The following MAGI2 variants were observed in gnomAD, a reference collection of about 807,000 sequenced individuals.
The protein encoded by MAGI2 is membrane-associated guanylate kinase, WW and PDZ domain-containing protein 2.
Under a neutral mutation model 133.3 loss-of-function variants are expected in MAGI2, and 35 were observed. That is an observed-to-expected ratio of 0.26 (90% CI 0.20 to 0.35). The LOEUF (loss-of-function observed/expected upper bound fraction) is 0.35. MAGI2 is among the 10% of genes least tolerant of loss of function. The pLI is 1.00. For missense variants in MAGI2, 1,636 were observed against 1,863.4 expected (o/e 0.88, Z 2.25); for synonymous variants, 729 against 710.6 (o/e 1.03, Z -0.41).
chr7:78,745,851 C>T (rs1453355412), intron 2 of MAGI2, among the ~76,000 whole-genome samples: 2 of 152,054 alleles, frequency 1.3e-5, no homozygotes, highest in Non-Finnish European at 2.9e-5. Flanking sequence ...TCTTACTCTC[C>T]CTATCCTGCT....
At chr7:78,026,901 G>A (rs190159610) in intron 21 of MAGI2, among the ~76,000 whole-genome samples, 143 of 152,270 alleles carry the variant, frequency 9.4e-4, no homozygotes, top group African/African-American at 3.4e-3. Context: ...ACTCATAATG[G>A]CAATAGCTAA....
At chr7:79,018,655 C>T (rs1808986065) in intron 1 of MAGI2, among the ~76,000 whole-genome samples, 1 of 152,170 alleles carries the variant, frequency 6.6e-6, no homozygotes, top group Non-Finnish European at 1.5e-5. Flanking sequence ...AAAGACCCAT[C>T]TCACATGAAG....
intron 1 of MAGI2, among the ~76,000 whole-genome samples, chr7:79,026,770 G>T (rs1383654993): frequency 6.6e-6 from 1 of 151,892 alleles, no homozygotes; most frequent in Admixed American, 6.6e-5. Flanking sequence ...GCTATTTGGG[G>T]GCTGAGGCAT....
chr7:79,059,936 T>C (rs1302420526), intron 1 of MAGI2, among the ~76,000 whole-genome samples: 1 of 152,086 alleles, frequency 6.6e-6, no homozygotes, highest in African/African-American at 2.4e-5. Flanking sequence ...CAATATTTCA[T>C]GTGTGGCATA....
chr7:78,732,769 A>G (rs926982490), intron 2 of MAGI2, among the ~76,000 whole-genome samples: 1 of 147,096 alleles, frequency 6.8e-6, no homozygotes, highest in Non-Finnish European at 1.5e-5. Context: ...AGGTAGAATC[A>G]TAGGTGATGT....
At chr7:79,379,452 T>C (rs557889020) in intron 1 of MAGI2, among the ~76,000 whole-genome samples, 1 of 152,112 alleles carries the variant, frequency 6.6e-6, no homozygotes, top group South Asian at 2.1e-4. Flanking sequence ...AGCAGCATGA[T>C]TTATAATCCT....
chr7:78,021,924 T>C (rs1808434951), intron 21 of MAGI2, among the ~76,000 whole-genome samples: 1 of 152,230 alleles, frequency 6.6e-6, no homozygotes. Context: ...ATCATATTTT[T>C]CTTCTGTACC....
At chr7:78,698,514 C>T (rs1300112570) in intron 2 of MAGI2, among the ~76,000 whole-genome samples, 1 of 152,162 alleles carries the variant, frequency 6.6e-6, no homozygotes, top group Non-Finnish European at 1.5e-5. Flanking sequence ...TGTTTTTCAC[C>T]ATTAGGAACT....
At chr7:78,878,770 G>C (rs543321514) in intron 2 of MAGI2, among the ~76,000 whole-genome samples, 2 of 152,170 alleles carry the variant, frequency 1.3e-5, no homozygotes, top group African/African-American at 4.8e-5. Flanking sequence ...GTGCAGTGGG[G>C]CCTTCTCCAC....
chr7:78,531,001 G>A (rs895526108), intron 3 of MAGI2, among the ~76,000 whole-genome samples: 1 of 152,150 alleles, frequency 6.6e-6, no homozygotes, highest in African/African-American at 2.4e-5. Flanking sequence ...CACAGTGGAG[G>A]TGTTATCCTG....
chr7:79,226,284 A>G (rs1328533559), intron 1 of MAGI2, among the ~76,000 whole-genome samples: 2 of 152,154 alleles, frequency 1.3e-5, no homozygotes, highest in Non-Finnish European at 2.9e-5. Context: ...ACAGTTTCCA[A>G]TTATAACATT....
At chr7:79,125,159 G>T in intron 1 of MAGI2, 1 of 331,146 alleles carries the variant, frequency 3.0e-6, no homozygotes, top group South Asian at 3.1e-5. Flanking sequence ...AGAGGCAGTG[G>T]TAAGAAAAGG....
chr7:78,667,502 T>G (rs1484985107), intron 2 of MAGI2, among the ~76,000 whole-genome samples: 1 of 151,868 alleles, frequency 6.6e-6, no homozygotes, highest in African/African-American at 2.4e-5. Flanking sequence ...AACTCGTTAT[T>G]TAGCATTAGG....
At chr7:79,351,695 T>C (rs1841705614) in intron 1 of MAGI2, 1 of 152,208 alleles carries the variant, frequency 6.6e-6, no homozygotes, top group Admixed American at 6.5e-5. Flanking sequence ...ATTTCCAAAC[T>C]TTAAAAGCAC....
intron 10 of MAGI2, chr7:78,252,713 G>A (rs1162769787): frequency 6.6e-6 from 1 of 151,922 alleles, no homozygotes; most frequent in Non-Finnish European, 1.5e-5. Context: ...AGGCTGAGGT[G>A]GGTGGATCAC....
intron 2 of MAGI2, among the ~76,000 whole-genome samples, chr7:78,767,419 C>T (rs1825145353): frequency 1.3e-5 from 2 of 151,834 alleles, no homozygotes; most frequent in South Asian, 4.2e-4. Context: ...AAGAGTGCCA[C>T]AAGCTGTGTG....
At chr7:79,250,369 C>G (rs969823749) in intron 1 of MAGI2, among the ~76,000 whole-genome samples, 1 of 134,022 alleles carries the variant, frequency 7.5e-6, no homozygotes, top group Non-Finnish European at 1.6e-5. Context: ...AAAAAGAAAA[C>G]AAACAGAACT....
intron 1 of MAGI2, among the ~76,000 whole-genome samples, chr7:79,164,077 C>A (rs1824688582): frequency 6.6e-6 from 1 of 152,024 alleles, no homozygotes; most frequent in Non-Finnish European, 1.5e-5. Context: ...TAGAAATGAG[C>A]CTTCCTAGCA....
intron 1 of MAGI2, among the ~76,000 whole-genome samples, chr7:79,309,216 T>G (rs906254465): frequency 6.6e-6 from 1 of 152,014 alleles, no homozygotes; most frequent in Non-Finnish European, 1.5e-5. Flanking sequence ...ATGTGTGATA[T>G]AAACTCTGAT....
Sources: allele counts gnomAD v4.1 joint callset (sites outside exome capture counted in the v4.1 genomes callset), GRCh38; gene constraint gnomAD v4.1.1; transcripts MANE v1.5; gene names NCBI Gene and HGNC (gene_info 2026-07-23, HGNC 2026-07-21).